The following TBC1D22A variants were observed in gnomAD, a reference collection of about 807,000 sequenced individuals.
The protein encoded by TBC1D22A is putative GTPase activator.
A neutral mutation model predicts 60.2 loss-of-function variants in TBC1D22A; 38 were observed. That is an observed-to-expected ratio of 0.63 (90% CI 0.49 to 0.83). The LOEUF is 0.83. Among genes scored for constraint, TBC1D22A ranks in the 40% least tolerant of loss-of-function variants. The pLI is 0.00. For missense variants in TBC1D22A, 628 were observed against 701.0 expected, an observed-to-expected ratio of 0.90 and a Z score of 1.18; for synonymous variants, 302 against 281.7, an observed-to-expected ratio of 1.07 and a Z score of -0.72.
chr22:47,050,697 G>A (rs1045866547), intron 11 of TBC1D22A, among the ~76,000 whole-genome samples: 1 of 151,876 alleles, frequency 6.6e-6, no homozygotes, highest in Admixed American at 6.6e-5. Context: ...GTGGGGCCCG[G>A]AGTCAGATTG....
At chr22:46,942,166 A>C (rs2072212962) in intron 8 of TBC1D22A, among the ~76,000 whole-genome samples, 1 of 152,010 alleles carries the variant, frequency 6.6e-6, no homozygotes, top group South Asian at 2.1e-4. Flanking sequence ...CACAGTCCAC[A>C]GTCTTACAGG....
intron 8 of TBC1D22A, among the ~76,000 whole-genome samples, chr22:46,958,643 G>T (rs747122295): frequency 1.3e-5 from 2 of 152,204 alleles, no homozygotes; most frequent in Admixed American, 1.3e-4. Context: ...GTAGCAGGGC[G>T]TCTCTAGCCC....
chr22:46,958,594 A>G (rs1009005527), intron 8 of TBC1D22A, among the ~76,000 whole-genome samples: 8 of 152,190 alleles, frequency 5.3e-5, no homozygotes, highest in African/African-American at 1.2e-4. Context: ...CTCCGTGTCT[A>G]CTTGGCACAA....
chr22:47,073,031 G>C (rs1357625560), intron 11 of TBC1D22A, among the ~76,000 whole-genome samples: 1 of 152,206 alleles, frequency 6.6e-6, no homozygotes, highest in Non-Finnish European at 1.5e-5. Context: ...GCTTTCTTTT[G>C]GGGCTGGAAT....
chr22:46,820,668 A>G (rs917059456), intron 4 of TBC1D22A, among the ~76,000 whole-genome samples: 1 of 152,266 alleles, frequency 6.6e-6, no homozygotes, highest in Non-Finnish European at 1.5e-5. Flanking sequence ...CGATTTTAGA[A>G]TAAGCGCCAT....
At chr22:47,004,141 TAC>T (rs899416313) in intron 10 of TBC1D22A, among the ~76,000 whole-genome samples, 5 of 146,948 alleles carry the variant, frequency 3.4e-5, no homozygotes, top group African/African-American at 1.3e-4. Flanking sequence ...ATCTGCTATA[TAC>T]ACATACACAC....
intron 4 of TBC1D22A, among the ~76,000 whole-genome samples, chr22:46,865,525 A>G (rs757488376): frequency 6.6e-6 from 1 of 152,238 alleles, no homozygotes; most frequent in African/African-American, 2.4e-5. Context: ...AGAAAATTCT[A>G]CACCTGATCT....
chr22:46,999,316 C>T (rs995855802), intron 10 of TBC1D22A, among the ~76,000 whole-genome samples: 2 of 152,186 alleles, frequency 1.3e-5, no homozygotes, highest in Non-Finnish European at 2.9e-5. Flanking sequence ...ATTTTCAGCG[C>T]AGTCTCTGAG....
At position 46,903,582 on chromosome 22, in the gene TBC1D22A, G is replaced by A. The variant is rs532117444; in HGVS notation, c.901-8492G>A. Among the ~76,000 whole-genome samples, 13 of 152,332 alleles carry A rather than the reference G, an allele frequency of 8.5e-5. No homozygotes were observed. In the East Asian group the frequency reaches 1.5e-3, roughly 18 times the overall value. ...ACCAGCAAGGTCCTGAGGGAGTTGCGAGGAATCGGGCCCTGTCCAGGGGCA... is the reference window on the plus strand; with the variant it reads ...ACCAGCAAGGTCCTGAGGGAGTTGCAAGGAATCGGGCCCTGTCCAGGGGCA... On this transcript the variant is annotated intron_variant, in intron 7 of 12. Coordinates refer to ENST00000337137, the MANE Select transcript of TBC1D22A (RefSeq NM_014346.5).
At chr22:46,810,140 G>A (rs1048280740) in intron 4 of TBC1D22A, among the ~76,000 whole-genome samples, 1 of 152,180 alleles carries the variant, frequency 6.6e-6, no homozygotes, top group African/African-American at 2.4e-5. Context: ...GGAATGCTCT[G>A]GGGCTCACCA....
intron 7 of TBC1D22A, among the ~76,000 whole-genome samples, chr22:46,902,421 T>A (rs1271530122): frequency 6.6e-6 from 1 of 152,270 alleles, no homozygotes; most frequent in Non-Finnish European, 1.5e-5. Context: ...TCAAGAATGT[T>A]ACTAGAACTT....
At chr22:46,814,833 T>C (rs2085526592) in intron 4 of TBC1D22A, among the ~76,000 whole-genome samples, 1 of 151,428 alleles carries the variant, frequency 6.6e-6, no homozygotes, top group South Asian at 2.1e-4. Context: ...TTTGTATTTT[T>C]AGTAGAGACA....
At chr22:46,985,091 C>T (rs944975170) in intron 9 of TBC1D22A, among the ~76,000 whole-genome samples, 3 of 152,168 alleles carry the variant, frequency 2.0e-5, no homozygotes, top group Admixed American at 6.5e-5. Context: ...ATGGACTAAG[C>T]CCCGGGGATG....
At position 46,950,541 on chromosome 22, in the gene TBC1D22A, G is replaced by A. The variant is rs115104367; in HGVS notation, c.1016-23749G>A. Among the ~76,000 whole-genome samples, 625 of 152,266 alleles carry A rather than the reference G, an allele frequency of 4.1e-3. 3 individuals are homozygous for A. Among genetic ancestry groups the A allele is most frequent in the African/African-American group, 0.015 (605 of 41,560 alleles). ...CCGATGGCTGGATGGAGGCTTTAGG[G>A]CCCACTGGTTCCCACTTTCCTGCCT... On this transcript the variant is annotated intron_variant, in intron 8 of 12. Transcript: ENST00000337137.
At chr22:46,904,139 CTAT>C (rs1241810606) in intron 7 of TBC1D22A, among the ~76,000 whole-genome samples, 63 of 106,132 alleles carry the variant, frequency 5.9e-4, no homozygotes, top group Non-Finnish European at 9.2e-4. Flanking sequence ...ATCTATCTAT[CTAT>C]CTACCTACCT....
intron 12 of TBC1D22A, among the ~76,000 whole-genome samples, chr22:47,170,385 A>G (rs556645106): frequency 2.8e-4 from 42 of 152,368 alleles, no homozygotes; most frequent in African/African-American, 8.7e-4. Context: ...GTATTTATTT[A>G]TGACCTGCTC....
chr22:47,136,393 A>G (rs1249524477), intron 12 of TBC1D22A, among the ~76,000 whole-genome samples: 1 of 152,214 alleles, frequency 6.6e-6, no homozygotes, highest in Non-Finnish European at 1.5e-5. Flanking sequence ...TCTCTCCTAC[A>G]GCACCCAGCT....
intron 10 of TBC1D22A, among the ~76,000 whole-genome samples, chr22:47,023,678 G>A (rs554988520): frequency 5.3e-5 from 8 of 152,238 alleles, no homozygotes; most frequent in Admixed American, 2.0e-4. Context: ...CTGGAGACAA[G>A]GGAGCAGCCT....
At chr22:46,995,667 TG>T (rs1226409671) in intron 9 of TBC1D22A, among the ~76,000 whole-genome samples, 1 of 152,132 alleles carries the variant, frequency 6.6e-6, no homozygotes, top group Non-Finnish European at 1.5e-5. Context: ...GTTCTGGAGC[TG>T]GGGGTTCTGT....
Sources: allele counts gnomAD v4.1 joint callset (sites outside exome capture counted in the v4.1 genomes callset), GRCh38; gene constraint gnomAD v4.1.1; transcripts MANE v1.5; gene names NCBI Gene and HGNC (gene_info 2026-07-23, HGNC 2026-07-21).